The following OTUD7A variants were observed in gnomAD, a reference collection of about 807,000 sequenced individuals.
The protein encoded by OTUD7A is OTU deubiquitinase 7A.
Under a neutral mutation model 65.7 loss-of-function variants are expected in OTUD7A, and 12 were observed. The observed-to-expected ratio is 0.18, with a 90% CI of 0.12 to 0.30. OTUD7A has a LOEUF of 0.30. Ranked by LOEUF, OTUD7A falls within the 10% of genes least tolerant of loss-of-function variation. The pLI is 1.00. For synonymous variants in OTUD7A, 641 were observed against 586.3 expected, an observed-to-expected ratio of 1.09 and a Z score of -1.35; for missense variants, 1,148 against 1,304.8, an observed-to-expected ratio of 0.88 and a Z score of 1.85.
At chr15:31,631,763 T>C (rs562428763) in intron 3 of OTUD7A, among the ~76,000 whole-genome samples, 7 of 152,332 alleles carry the variant, frequency 4.6e-5, no homozygotes, top group African/African-American at 1.7e-4. Flanking sequence ...CATAGTCCCA[T>C]ATTTCTTGGA....
chr15:31,784,653 A>C (rs1468125497), intron 1 of OTUD7A, among the ~76,000 whole-genome samples: 10 of 152,182 alleles, frequency 6.6e-5, no homozygotes. Context: ...TTAAGAATGT[A>C]AGGGAACCTG....
At chr15:31,735,048 T>C (rs980042624) in intron 1 of OTUD7A, among the ~76,000 whole-genome samples, 11 of 9,876 alleles carry the variant, frequency 1.1e-3, no homozygotes, top group Non-Finnish European at 3.1e-3. Flanking sequence ...CAAACAAATT[T>C]ACAAGAAAAA....
chr15:31,512,189 C>G (rs943203728), intron 8 of OTUD7A, among the ~76,000 whole-genome samples: 2 of 151,790 alleles, frequency 1.3e-5, no homozygotes, highest in African/African-American at 4.8e-5. Context: ...AATCTGTGCA[C>G]AGTTTTCTGG....
In OTUD7A at chr15:31,479,878, A is replaced by C. The variant is rs748303531; in HGVS notation, c.*3416T>G. On this transcript the variant is annotated 3_prime_UTR_variant, in exon 13 of 13. Coordinates refer to ENST00000307050, the MANE Select transcript of OTUD7A (RefSeq NM_001382637.1). ...TAGATTCAAATGCCACTGGGTGGTAATAGGTATGAAAAGGTCCACAGTAAT... is the reference window on the plus strand; with the variant it reads ...TAGATTCAAATGCCACTGGGTGGTACTAGGTATGAAAAGGTCCACAGTAAT... The C allele has an allele frequency of 3.3e-5, 5 of 152,252 alleles. No individual in the cohort carries two copies. Among genetic ancestry groups the C allele is most frequent in the Admixed American group, 6.5e-5 (1 of 15,290 alleles). 9.4% of individuals were successfully genotyped at this position (152,252 alleles called of 1,614,324 possible).
chr15:31,868,329 C>T (rs1897933974), intron 1 of OTUD7A, among the ~76,000 whole-genome samples: 1 of 152,198 alleles, frequency 6.6e-6, no homozygotes, highest in South Asian at 2.1e-4. Flanking sequence ...ACTAGTACTA[C>T]AGCGAGTTAA....
chr15:31,527,740 C>T (rs2042033984), intron 6 of OTUD7A, among the ~76,000 whole-genome samples: 1 of 152,212 alleles, frequency 6.6e-6, no homozygotes, highest in Admixed American at 6.5e-5. Context: ...TCTCCAGGGT[C>T]TGCCATTTCC....
intron 10 of OTUD7A, among the ~76,000 whole-genome samples, chr15:31,499,701 A>T (rs2041436292): frequency 6.6e-6 from 1 of 152,236 alleles, no homozygotes; most frequent in Non-Finnish European, 1.5e-5. Context: ...GTGAATGTGC[A>T]GCCTGGCCAC....
At chr15:31,774,205 T>C (rs1467605706) in intron 1 of OTUD7A, among the ~76,000 whole-genome samples, 1 of 152,188 alleles carries the variant, frequency 6.6e-6, no homozygotes, top group East Asian at 1.9e-4. Flanking sequence ...CAAAAAGCCA[T>C]GGGACAGCAG....
intron 3 of OTUD7A, among the ~76,000 whole-genome samples, chr15:31,618,690 A>G (rs1368668395): frequency 6.6e-6 from 1 of 152,082 alleles, no homozygotes; most frequent in Admixed American, 6.5e-5. Context: ...TTGTCAGATA[A>G]GTAAATTGCA....
intron 3 of OTUD7A, among the ~76,000 whole-genome samples, chr15:31,587,510 A>G (rs1486802737): frequency 6.6e-6 from 1 of 151,942 alleles, no homozygotes; most frequent in African/African-American, 2.4e-5. Flanking sequence ...GTGTGGTGGC[A>G]GGCGTCTGTA....
chr15:31,802,484 C>A (rs1283627680), intron 1 of OTUD7A, among the ~76,000 whole-genome samples: 10 of 152,118 alleles, frequency 6.6e-5, no homozygotes. Flanking sequence ...CTCACAGACA[C>A]ACCAACGATC....
chr15:31,528,389 C>G (rs997465682), intron 6 of OTUD7A, among the ~76,000 whole-genome samples: 1 of 152,074 alleles, frequency 6.6e-6, no homozygotes, highest in Non-Finnish European at 1.5e-5. Context: ...AAAGTGGGAT[C>G]GAGGAGAGAG....
intron 5 of OTUD7A, among the ~76,000 whole-genome samples, chr15:31,531,827 C>T (rs553485992): frequency 2.0e-4 from 30 of 152,306 alleles, no homozygotes; most frequent in African/African-American, 6.7e-4. Context: ...TGGTAATAAG[C>T]ACCTTGCCCT....
intron 5 of OTUD7A, among the ~76,000 whole-genome samples, chr15:31,533,390 C>G (rs1248392076): frequency 6.6e-6 from 1 of 152,042 alleles, no homozygotes; most frequent in Non-Finnish European, 1.5e-5. Context: ...CATGCACCAC[C>G]AAACTTGGCT....
chr15:31,693,919 A>C (rs1893016083), intron 1 of OTUD7A, among the ~76,000 whole-genome samples: 1 of 152,244 alleles, frequency 6.6e-6, no homozygotes, highest in African/African-American at 2.4e-5. Flanking sequence ...GTCCTGGTGA[A>C]GATGAAAAGG....
At chr15:31,807,079 T>C (rs1315493209) in intron 1 of OTUD7A, among the ~76,000 whole-genome samples, 2 of 152,244 alleles carry the variant, frequency 1.3e-5, no homozygotes, top group African/African-American at 2.4e-5. Flanking sequence ...TTCAATCTGT[T>C]CAATTCTCCC....
At chr15:31,492,128 T>C (rs753210970) in intron 10 of OTUD7A, among the ~76,000 whole-genome samples, 1 of 152,192 alleles carries the variant, frequency 6.6e-6, no homozygotes, top group Non-Finnish European at 1.5e-5. Flanking sequence ...AACAGATAAC[T>C]GTCTAAAGCA....
intron 1 of OTUD7A, among the ~76,000 whole-genome samples, chr15:31,685,053 A>G (rs974276972): frequency 6.6e-6 from 1 of 152,144 alleles, no homozygotes; most frequent in Admixed American, 6.5e-5. Context: ...CCAAACTTGA[A>G]AAAGGGAAAA....
At chr15:31,766,372 A>T in intron 1 of OTUD7A, 1 of 1,588,166 alleles carries the variant, frequency 6.3e-7, no homozygotes, top group South Asian at 1.1e-5. Flanking sequence ...AAACAACATA[A>T]CTGTAGAGCA....
Sources: allele counts gnomAD v4.1 joint callset (sites outside exome capture counted in the v4.1 genomes callset), GRCh38; gene constraint gnomAD v4.1.1; transcripts MANE v1.5; gene names NCBI Gene and HGNC (gene_info 2026-07-23, HGNC 2026-07-21).